PLCL1: variants seen among roughly 807,000 people sequenced by gnomAD.
The protein encoded by PLCL1 is inactive phospholipase C-like protein 1.
A neutral mutation model predicts 84.4 loss-of-function variants in PLCL1; 41 were observed. The observed-to-expected ratio is 0.49, with a 90% CI of 0.38 to 0.63. The LOEUF (loss-of-function observed/expected upper bound fraction) is 0.63. Ranked by LOEUF, PLCL1 falls within the 30% of genes least tolerant of loss-of-function variation. The pLI is 0.00. For synonymous variants in PLCL1, 490 were observed against 488.3 expected (o/e 1.00, Z -0.05); for missense variants, 1,206 against 1,367.8 (o/e 0.88, Z 1.87).
At chr2:197,962,757 C>T (rs189003081) in intron 1 of PLCL1, among the ~76,000 whole-genome samples, 4 of 152,070 alleles carry the variant, frequency 2.6e-5, no homozygotes, top group African/African-American at 9.6e-5. Flanking sequence ...CTTTCCCAGC[C>T]TCTAGTAATT....
chr2:198,076,953 A>G (rs1413406215), intron 1 of PLCL1, among the ~76,000 whole-genome samples: 1 of 152,260 alleles, frequency 6.6e-6, no homozygotes, highest in East Asian at 1.9e-4. Flanking sequence ...GATTTTGAGC[A>G]TAGGCCCATT....
intron 1 of PLCL1, among the ~76,000 whole-genome samples, chr2:197,831,893 A>G (rs1332645977): frequency 5.9e-5 from 9 of 151,942 alleles, no homozygotes; most frequent in East Asian, 5.8e-4. Context: ...AAACTGAACA[A>G]CCTGAATGAC....
intron 3 of PLCL1, among the ~76,000 whole-genome samples, chr2:198,089,796 C>T (rs1012547244): frequency 6.6e-6 from 1 of 152,130 alleles, no homozygotes. Context: ...ATAGGCAATT[C>T]ACTTACCCCC....
chr2:198,060,739 T>C (rs1692176502), intron 1 of PLCL1, among the ~76,000 whole-genome samples: 1 of 152,248 alleles, frequency 6.6e-6, no homozygotes, highest in South Asian at 2.1e-4. Context: ...ATCAGAGCTT[T>C]CTACCTTTAT....
chr2:198,128,859 G>C (rs1694053719), intron 5 of PLCL1, among the ~76,000 whole-genome samples: 1 of 152,174 alleles, frequency 6.6e-6, no homozygotes, highest in South Asian at 2.1e-4. Context: ...AGTCATTTAA[G>C]TTGGATCTCT....
chr2:198,042,154 T>A (rs1447573744), intron 1 of PLCL1, among the ~76,000 whole-genome samples: 3 of 152,146 alleles, frequency 2.0e-5, no homozygotes, highest in Non-Finnish European at 4.4e-5. Flanking sequence ...CACCTCCTTT[T>A]CCTCTCCTCC....
chr2:197,939,257 G>A (rs1241759696), intron 1 of PLCL1, among the ~76,000 whole-genome samples: 2 of 152,076 alleles, frequency 1.3e-5, no homozygotes, highest in African/African-American at 4.8e-5. Flanking sequence ...TCAGATTTTA[G>A]GATACCTACA....
At chr2:198,002,474 A>C (rs1198896527) in intron 1 of PLCL1, among the ~76,000 whole-genome samples, 1 of 152,210 alleles carries the variant, frequency 6.6e-6, no homozygotes, top group Non-Finnish European at 1.5e-5. Flanking sequence ...ACATCTGTAA[A>C]ATTGTTACAT....
intron 5 of PLCL1, among the ~76,000 whole-genome samples, chr2:198,135,164 A>G (rs973084918): frequency 3.9e-5 from 6 of 152,168 alleles, no homozygotes; most frequent in Non-Finnish European, 8.8e-5. Context: ...AGATTTCTAT[A>G]GAAGCTCCTT....
intron 1 of PLCL1, among the ~76,000 whole-genome samples, chr2:197,832,195 A>G (rs919682132): frequency 1.3e-5 from 2 of 152,182 alleles, no homozygotes; most frequent in African/African-American, 4.8e-5. Context: ...AAAACCCTTC[A>G]AAAAATCAAT....
chr2:198,097,454 G>C (rs1693228672), intron 3 of PLCL1, among the ~76,000 whole-genome samples: 1 of 152,038 alleles, frequency 6.6e-6, no homozygotes, highest in African/African-American at 2.4e-5. Context: ...TAACACTTTT[G>C]GTTAAAGGTA....
intron 3 of PLCL1, among the ~76,000 whole-genome samples, chr2:198,095,680 G>A (rs1351221720): frequency 6.6e-6 from 1 of 152,156 alleles, no homozygotes; most frequent in East Asian, 1.9e-4. Flanking sequence ...ATTTAACATG[G>A]AGTTGTAATA....
chr2:198,088,813 G>A (rs1480994752), intron 2 of PLCL1, 45 bp from the exon 3 acceptor site: 7 of 1,110,076 alleles, frequency 6.3e-6, no homozygotes, highest in Non-Finnish European at 5.6e-6. Context: ...TGGCGGTGAT[G>A]TGTCAGGTGG....
chr2:197,852,143 A>G (rs950228639), intron 1 of PLCL1, among the ~76,000 whole-genome samples: 7 of 152,130 alleles, frequency 4.6e-5, no homozygotes, highest in Non-Finnish European at 8.8e-5. Flanking sequence ...GAGGGACTTA[A>G]TAGCATGTGG....
chr2:197,966,915 A>G (rs1488201827), intron 1 of PLCL1, among the ~76,000 whole-genome samples: 1 of 146,668 alleles, frequency 6.8e-6, no homozygotes, highest in African/African-American at 2.6e-5. Context: ...CAGTGGCACA[A>G]TCTTGGCTCA....
intron 1 of PLCL1, among the ~76,000 whole-genome samples, chr2:197,966,004 A>G (rs1312946898): frequency 6.6e-6 from 1 of 152,062 alleles, no homozygotes. Context: ...GAATCCTGCC[A>G]GGACTGGGTT....
Position 197,804,963 on chromosome 2 carries a change from C to T in PLCL1, c.-137C>T. ...AAGTTGCCGCCGCCGCCGCCGCCGC[C>T]GCCACTGCCGCCGCTGGGCGGTGAA... On this transcript the variant is annotated 5_prime_UTR_variant, in exon 1 of 6. Transcript: ENST00000428675. 3 of 1,101,268 alleles carry T rather than the reference C, an allele frequency of 2.7e-6. No individual in the cohort carries two copies. The highest frequency in any genetic ancestry group is 3.7e-6 in the Non-Finnish European group (3 of 805,098). 68.2% of individuals were successfully genotyped at this position (1,101,268 alleles called of 1,614,324 possible). A position where few individuals can be genotyped will look rare whatever the true frequency, so the allele number is the denominator to read the frequency against.
chr2:198,103,874 T>C lies in PLCL1; in HGVS notation c.3043T>C (p.Leu1015=). 19 of 1,608,950 alleles carry C rather than the reference T, an allele frequency of 1.2e-5. No individual in the cohort carries two copies. Among genetic ancestry groups the C allele is most frequent in the Non-Finnish European group, 1.6e-5 (19 of 1,177,288 alleles). ...TCATAATTTGGGGGCAAAAGAAGGC[T>C]TGAAGGGAAGAAAACTCAACAAAGC... ...ELHNLGAKEG[L]KGRKLNKATE... The change falls in exon 5 of 6, where the codon TTG becomes CTG. Residue 1015 remains leucine (L), a synonymous_variant. Coordinates refer to ENST00000428675, the MANE Select transcript of PLCL1 (RefSeq NM_006226.4).
At chr2:198,055,459 T>A (rs1692046846) in intron 1 of PLCL1, among the ~76,000 whole-genome samples, 1 of 151,260 alleles carries the variant, frequency 6.6e-6, no homozygotes, top group African/African-American at 2.4e-5. Context: ...GATAACTGAA[T>A]AATTGATTCA....
Sources: allele counts gnomAD v4.1 joint callset (sites outside exome capture counted in the v4.1 genomes callset), GRCh38; gene constraint gnomAD v4.1.1; transcripts MANE v1.5; gene names NCBI Gene and HGNC (gene_info 2026-07-23, HGNC 2026-07-21).